ZNF521: variants seen among roughly 807,000 people sequenced by gnomAD.
ZNF521 encodes the protein zinc finger protein 521.
A neutral mutation model predicts 105.5 loss-of-function variants in ZNF521; 14 were observed. That is an observed-to-expected ratio of 0.13 (90% CI 0.09 to 0.21). The LOEUF (loss-of-function observed/expected upper bound fraction) is 0.21, where lower values mean the gene tolerates loss of function less well. ZNF521 is among the 10% of genes least tolerant of loss of function. The pLI, the probability that ZNF521 is intolerant of heterozygous loss-of-function variation, is 1.00. For synonymous variants in ZNF521, 635 were observed against 606.0 expected, an observed-to-expected ratio of 1.05 and a Z score of -0.70; for missense variants, 1,233 against 1,629.7, an observed-to-expected ratio of 0.76 and a Z score of 4.19.
At chr18:25,172,330 G>A (rs189022959) in intron 5 of ZNF521, among the ~76,000 whole-genome samples, 95 of 152,132 alleles carry the variant, frequency 6.2e-4, no homozygotes, top group African/African-American at 2.2e-3. Flanking sequence ...TTCTATTGCC[G>A]ATTTTGGCAA....
intron 4 of ZNF521, chr18:25,201,735 A>G (rs2035996462): frequency 6.6e-6 from 1 of 152,160 alleles, no homozygotes; most frequent in South Asian, 2.1e-4. Flanking sequence ...ACTCATTCCA[A>G]ATATATCCAG....
chr18:25,311,300 C>T (rs547624049), intron 3 of ZNF521, among the ~76,000 whole-genome samples: 5 of 151,244 alleles, frequency 3.3e-5, no homozygotes, highest in Admixed American at 3.3e-4. Context: ...TTTAGTAACC[C>T]ACTCCTTATA....
intron 3 of ZNF521, among the ~76,000 whole-genome samples, chr18:25,306,082 C>T (rs1370828015): frequency 6.6e-6 from 1 of 152,204 alleles, no homozygotes; most frequent in East Asian, 1.9e-4. Flanking sequence ...CAGAACCCAC[C>T]CCTCTATCCA....
intron 4 of ZNF521, among the ~76,000 whole-genome samples, chr18:25,195,665 T>C (rs1488270163): frequency 6.6e-6 from 1 of 151,756 alleles, no homozygotes; most frequent in African/African-American, 2.4e-5. Flanking sequence ...TGCTTCTAGA[T>C]ATCCATAAGT....
At chr18:25,201,038 GAT>G (rs2012578076) in intron 4 of ZNF521, 1 of 147,246 alleles carries the variant, frequency 6.8e-6, no homozygotes, top group African/African-American at 2.6e-5. Flanking sequence ...CATTTGTAGT[GAT>G]TTTTTTTTTT....
chr18:25,199,996 C>A (rs930075678), intron 4 of ZNF521, among the ~76,000 whole-genome samples: 2 of 151,858 alleles, frequency 1.3e-5, no homozygotes, highest in Non-Finnish European at 2.9e-5. Context: ...TTGAAACAGT[C>A]CTGTTAAGAG....
intron 2 of ZNF521, among the ~76,000 whole-genome samples, chr18:25,331,252 C>G (rs1913550605): frequency 6.7e-6 from 1 of 150,170 alleles, no homozygotes; most frequent in South Asian, 2.2e-4. Context: ...ATACTACACA[C>G]AAATATTTTT....
chr18:25,090,800 T>C (rs11083108), intron 6 of ZNF521, among the ~76,000 whole-genome samples: 4,435 of 152,320 alleles, frequency 0.029, 212 homozygotes, highest in African/African-American at 0.1. Flanking sequence ...TGAAGACTTA[T>C]GAGCTTTTAT....
chr18:25,157,752 CCTT>C lies in ZNF521; in HGVS notation c.3658+37405_3658+37407del, dbSNP rs1421442130. ...GTGTGGCCTTGGGGAAGCTACTAAA[CCTT>C]CTTTTTTTTTTTTGAGACGGAGTCT... is the stretch of plus-strand genomic sequence containing the variant. On this transcript the variant is annotated intron_variant, in intron 5 of 7. Transcript: ENST00000361524. Among the ~76,000 whole-genome samples the C allele has an allele frequency of 3.3e-5, 5 of 152,070 alleles. No individual in the cohort carries two copies. The East Asian group carries it at 5.8e-4, about 18-fold the overall frequency.
At chr18:25,174,376 C>A (rs1489295600) in intron 5 of ZNF521, among the ~76,000 whole-genome samples, 2 of 152,150 alleles carry the variant, frequency 1.3e-5, no homozygotes, top group Non-Finnish European at 2.9e-5. Context: ...AAATTCATAT[C>A]AAAAAATCGT....
intron 5 of ZNF521, among the ~76,000 whole-genome samples, chr18:25,173,099 C>T (rs565226708): frequency 6.6e-6 from 1 of 152,296 alleles, no homozygotes; most frequent in East Asian, 1.9e-4. Context: ...CATTAGATGC[C>T]AGTGAGAATG....
intron 3 of ZNF521, among the ~76,000 whole-genome samples, chr18:25,296,403 G>C (rs562333008): frequency 1.2e-4 from 18 of 152,242 alleles, no homozygotes; most frequent in African/African-American, 4.3e-4. Context: ...TATGCAAGTA[G>C]TATATATACT....
At chr18:25,293,474 A>G (rs1393330350) in intron 3 of ZNF521, among the ~76,000 whole-genome samples, 1 of 152,160 alleles carries the variant, frequency 6.6e-6, no homozygotes, top group Non-Finnish European at 1.5e-5. Flanking sequence ...CAGGAGTACA[A>G]TATTTAAAAC....
chr18:25,073,078 T>C (rs1344998801), intron 7 of ZNF521, among the ~76,000 whole-genome samples: 1 of 152,098 alleles, frequency 6.6e-6, no homozygotes, highest in African/African-American at 2.4e-5. Context: ...GTGTTCATCT[T>C]GGGCGAATAC....
At chr18:25,324,818 T>C (rs768272343) in intron 2 of ZNF521, among the ~76,000 whole-genome samples, 84 of 152,162 alleles carry the variant, frequency 5.5e-4, no homozygotes, top group Non-Finnish European at 4.3e-4. Context: ...ATATCAAAAA[T>C]ACAAACATAG....
At chr18:25,275,338 G>C (rs1339006467) in intron 3 of ZNF521, among the ~76,000 whole-genome samples, 1 of 152,114 alleles carries the variant, frequency 6.6e-6, no homozygotes, top group Non-Finnish European at 1.5e-5. Flanking sequence ...TCACTAAAAG[G>C]GGGACAAATA....
At position 25,322,131 on chromosome 18, in the gene ZNF521, T is replaced by C; in HGVS notation, c.97A>G (p.Lys33Glu). 2 of 1,614,210 alleles carry C rather than the reference T, an allele frequency of 1.2e-6. No homozygotes were observed. Among genetic ancestry groups the C allele is most frequent in the East Asian group, 2.2e-5 (1 of 44,888 alleles). The part of the protein sequence containing the change: ...TEDGEALDCK[K>E]RPEDGEELED... The stretch of plus-strand genomic sequence containing the variant: ...AACTCCTCCCCGTCTTCCGGCCTCT[T>C]CTTACAATCTAGTGCCTCTCCATCT... The change falls in exon 3 of 8, where the codon AAG (lysine) becomes GAG (glutamate). Residue 33 changes from lysine to glutamate, a missense_variant. This residue lies in a region of ZNF521 where 76 missense variants were observed against 79.3 expected (regional missense o/e 0.96). Coordinates refer to ENST00000361524, the MANE Select transcript of ZNF521 (RefSeq NM_015461.3).
intron 5 of ZNF521, among the ~76,000 whole-genome samples, chr18:25,143,889 G>C (rs2034896805): frequency 6.6e-6 from 1 of 152,106 alleles, no homozygotes; most frequent in Non-Finnish European, 1.5e-5. Context: ...ATTTTCACTG[G>C]TACATGAAAC....
chr18:25,322,206 G>GT lies in ZNF521; in HGVS notation c.41-20dup. 6.2e-7 allele frequency: 1 copy of GT among 1,611,408 alleles called. No homozygotes were observed. Among genetic ancestry groups the GT allele is most frequent in the Non-Finnish European group, 8.5e-7 (1 of 1,177,578 alleles). ...TTGGGGTCTGAAAAATATCAACACT[G>GT]TAAGTATGGGGTTTAAAGACAGGTT... On this transcript the variant is annotated intron_variant, in intron 2 of 7. Transcript: ENST00000361524.
Sources: allele counts gnomAD v4.1 joint callset (sites outside exome capture counted in the v4.1 genomes callset), GRCh38; gene constraint gnomAD v4.1.1; regional missense constraint gnomAD v4.1.1; transcripts MANE v1.5; gene names NCBI Gene and HGNC (gene_info 2026-07-23, HGNC 2026-07-21).